Variants in ATP5PD observed in about 807,000 individuals in gnomAD.
ATP5PD encodes ATP synthase peripheral stalk subunit d, mitochondrial.
ATP5PD carries 13 observed loss-of-function variants against 22.6 expected under a neutral mutation model. That is an observed-to-expected ratio of 0.58 (90% confidence interval 0.37 to 0.91). The LOEUF is 0.91. Among genes scored for constraint, ATP5PD ranks in the 40% least tolerant of loss-of-function variants. The probability of loss-of-function intolerance (pLI) is 0.00; values close to 1 mark genes in which losing one functional copy is unlikely to be tolerated. For missense variants in ATP5PD, 165 were observed against 188.0 expected (o/e 0.88, Z 0.72); for synonymous variants, 51 against 65.0 (o/e 0.79, Z 1.03).
intron 1 of ATP5PD, among the ~76,000 whole-genome samples, chr17:75,043,529 C>G (rs2073181315): frequency 6.7e-6 from 1 of 150,210 alleles, no homozygotes; most frequent in African/African-American, 2.5e-5. Flanking sequence ...AGGACAATCA[C>G]TTGAACCTGG....
At position 75,042,288 on chromosome 17, in the gene ATP5PD, G is replaced by T; in HGVS notation, c.123-11C>A. 2 of 1,613,020 alleles carry T rather than the reference G, an allele frequency of 1.2e-6. No homozygotes were observed. The highest frequency in any genetic ancestry group is 1.7e-6 in the Non-Finnish European group (2 of 1,179,578). On this transcript the variant is annotated splice_polypyrimidine_tract_variant and intron_variant, in intron 2 of 5. Coordinates refer to ENST00000301587, the MANE Select transcript of ATP5PD (RefSeq NM_006356.3). Reference sequence around the variant, plus strand: ...GGTAAAGCAGCCAACCTGCCCACAAGGAAAGGCAAAAGTTAGGATTGTTCA... The same window carrying T: ...GGTAAAGCAGCCAACCTGCCCACAATGAAAGGCAAAAGTTAGGATTGTTCA...
At chr17:75,043,767 G>GAC (rs2073184551) in intron 1 of ATP5PD, among the ~76,000 whole-genome samples, 1 of 152,068 alleles carries the variant, frequency 6.6e-6, no homozygotes, top group African/African-American at 2.4e-5. Flanking sequence ...GACAGAAACT[G>GAC]ACACACACCT....
chr17:75,039,634 T>C, intron 4 of ATP5PD: 1 of 289,324 alleles, frequency 3.5e-6, no homozygotes, highest in South Asian at 5.7e-5. Context: ...ATAGTTGGCC[T>C]TCAGTGCTTT....
chr17:75,041,905 C>A, intron 3 of ATP5PD: 1 of 289,092 alleles, frequency 3.5e-6, no homozygotes, highest in Non-Finnish European at 6.4e-6. Flanking sequence ...AGGGGTGAAC[C>A]GGCCCAGGTC....
chr17:75,046,114 G>A (rs373196222), intron 1 of ATP5PD, among the ~76,000 whole-genome samples: 3 of 152,252 alleles, frequency 2.0e-5, no homozygotes, highest in East Asian at 1.9e-4. Context: ...ACGGAGTCTC[G>A]CACTGTCGCC....
At chr17:75,039,724 G>T in intron 4 of ATP5PD, 2 of 268,624 alleles carry the variant, frequency 7.4e-6, no homozygotes, top group Non-Finnish European at 7.1e-6. Flanking sequence ...GCTTTGTTGA[G>T]GTATATCTGA....
intron 4 of ATP5PD, chr17:75,039,833 G>A (rs890717898): frequency 4.2e-6 from 2 of 474,058 alleles, no homozygotes; most frequent in African/African-American, 2.0e-5. Context: ...CCATCCCCAG[G>A]CAGCCACTGT....
intron 1 of ATP5PD, among the ~76,000 whole-genome samples, chr17:75,043,834 C>A (rs12938889): frequency 0.13 from 20,146 of 152,052 alleles, 2,055 homozygotes; most frequent in East Asian, 0.57. Context: ...CTTATGTGTA[C>A]AATGGGCATT....
chr17:75,046,129 CTGGAG>C (rs2073213598), intron 1 of ATP5PD, among the ~76,000 whole-genome samples: 1 of 152,170 alleles, frequency 6.6e-6, no homozygotes, highest in African/African-American at 2.4e-5. Flanking sequence ...GTCGCCTGGG[CTGGAG>C]TGTAGTGGCG....
chr17:75,046,258 A>G (rs1598693366), intron 1 of ATP5PD, among the ~76,000 whole-genome samples: 2 of 152,092 alleles, frequency 1.3e-5, no homozygotes, highest in African/African-American at 2.4e-5. Flanking sequence ...AATTTTTTGT[A>G]TTTTTAGTAG....
intron 1 of ATP5PD, among the ~76,000 whole-genome samples, chr17:75,046,650 T>C (rs117008429): frequency 0.023 from 3,447 of 152,336 alleles, 54 homozygotes; most frequent in Non-Finnish European, 0.038. Context: ...TCTGCCGCGC[T>C]GGGAGCGGAC....
chr17:75,044,199 ATTT>A (rs755560156), intron 1 of ATP5PD, among the ~76,000 whole-genome samples: 2 of 94,676 alleles, frequency 2.1e-5, no homozygotes, highest in East Asian at 3.7e-4. Flanking sequence ...TAATTTTTGT[ATTT>A]TTTTTTTTTT....
chr17:75,044,475 G>A (rs1296724398), intron 1 of ATP5PD, among the ~76,000 whole-genome samples: 2 of 118,934 alleles, frequency 1.7e-5, no homozygotes, highest in African/African-American at 1.2e-4. Context: ...AAAGTGCTGG[G>A]ATTATAGGCG....
At chr17:75,040,240 C>T (rs924557829) in intron 3 of ATP5PD, 77 bp from the exon 4 acceptor site, 3 of 1,563,658 alleles carry the variant, frequency 1.9e-6, no homozygotes, top group Non-Finnish European at 2.6e-6. Flanking sequence ...GCCAATACAC[C>T]CAGGAGCTCA....
chr17:75,040,885 CA>C (rs34981433), intron 3 of ATP5PD: 2,686 of 76,922 alleles, frequency 0.035, 28 homozygotes, highest in Non-Finnish European at 0.048. Context: ...GACTCCGTCT[CA>C]AAAAAAAAAA....
Position 75,039,272 on chromosome 17 carries a change from C to T in ATP5PD, c.292-1G>A, listed in dbSNP as rs776436658. 9.9e-6 allele frequency: 16 copies of T among 1,613,966 alleles called. No homozygotes were observed. Among genetic ancestry groups the T allele is most frequent in the Non-Finnish European group, 1.4e-5 (16 of 1,179,992 alleles). On this transcript the variant is annotated splice_acceptor_variant, in intron 4 of 5. Transcript: ENST00000301587. LOFTEE classifies it high-confidence loss of function. Reference sequence around the variant, plus strand: ...ACACCCACTCAGCACAAGATTTCACCTTTAAGAAGAAAGAGAAATTCAGTT... The same window carrying T: ...ACACCCACTCAGCACAAGATTTCACTTTTAAGAAGAAAGAGAAATTCAGTT...
Position 75,042,540 on chromosome 17 carries a change from G to T in ATP5PD, c.111C>A (p.Thr37=). The change falls in exon 2 of 6, where the codon ACC becomes ACA. Residue 37 remains threonine (T), a synonymous_variant. Coordinates refer to ENST00000301587, the MANE Select transcript of ATP5PD (RefSeq NM_006356.3). The part of the protein sequence containing the change: ...IASSLKSWNE[T]LTSRLAALPE... ...AGAAACATACTGACCTGGAGGTGAG[G>T]GTCTCATTCCAGGATTTCAGGGAAC... 7 of 1,612,062 alleles carry T rather than the reference G, an allele frequency of 4.3e-6. No homozygotes were observed. The highest frequency in any genetic ancestry group is 5.9e-6 in the Non-Finnish European group (7 of 1,179,798).
At chr17:75,045,300 G>GA (rs1479774326) in intron 1 of ATP5PD, among the ~76,000 whole-genome samples, 2 of 152,234 alleles carry the variant, frequency 1.3e-5, no homozygotes, top group African/African-American at 4.8e-5. Flanking sequence ...CACAGGACCA[G>GA]AGCGAAATTA....
At chr17:75,039,160 A>ATT in intron 5 of ATP5PD, 49 bp downstream of exon 5, 1 of 1,612,626 alleles carries the variant, frequency 6.2e-7, no homozygotes, top group Non-Finnish European at 8.5e-7. Context: ...ATGTGTGGTC[A>ATT]TGAAAGAGAG....
Sources: allele counts gnomAD v4.1 joint callset (sites outside exome capture counted in the v4.1 genomes callset), GRCh38; gene constraint gnomAD v4.1.1; transcripts MANE v1.5; gene names NCBI Gene and HGNC (gene_info 2026-07-23, HGNC 2026-07-21).